PRORP: variants seen among roughly 807,000 people sequenced by gnomAD.
PRORP encodes the protein protein only RNase P catalytic subunit, also known as mitochondrial ribonuclease P catalytic subunit.
PRORP carries 51 observed loss-of-function variants against 59.4 expected under a neutral mutation model. The ratio of observed to expected loss-of-function variants is 0.86; its 90% CI spans 0.69 to 1.08. The LOEUF is 1.08. Ranked by LOEUF, PRORP falls within the 50% of genes least tolerant of loss-of-function variation. The pLI is 0.00. For missense variants in PRORP, 646 were observed against 690.3 expected (o/e 0.94, Z 0.72); for synonymous variants, 231 against 245.6 (o/e 0.94, Z 0.55).
At chr14:35,179,297 G>A (rs975607489) in intron 4 of PRORP, among the ~76,000 whole-genome samples, 1 of 152,276 alleles carries the variant, frequency 6.6e-6, no homozygotes, top group East Asian at 1.9e-4. Context: ...TGCCTGCTAG[G>A]TTGGGGAAGT....
At chr14:35,205,132 T>C (rs553245825) in intron 5 of PRORP, among the ~76,000 whole-genome samples, 1 of 152,292 alleles carries the variant, frequency 6.6e-6, no homozygotes, top group Admixed American at 6.5e-5. Context: ...CTTTATGGGC[T>C]TTGTCAACAT....
intron 5 of PRORP, among the ~76,000 whole-genome samples, chr14:35,210,435 A>G (rs1049743410): frequency 2.6e-5 from 4 of 152,136 alleles, no homozygotes; most frequent in African/African-American, 9.7e-5. Flanking sequence ...GACTTCAGAT[A>G]CATCTTGGTT....
At chr14:35,228,152 A>G (rs1429932420) in intron 5 of PRORP, among the ~76,000 whole-genome samples, 1 of 152,210 alleles carries the variant, frequency 6.6e-6, no homozygotes, top group Non-Finnish European at 1.5e-5. Flanking sequence ...CAAAATAAAT[A>G]AATAAATGAA....
At chr14:35,199,883 T>G (rs1477509758) in intron 5 of PRORP, among the ~76,000 whole-genome samples, 2 of 152,190 alleles carry the variant, frequency 1.3e-5, no homozygotes, top group Non-Finnish European at 2.9e-5. Context: ...AATGGAAACT[T>G]TCCAATTATA....
chr14:35,187,428 G>GT (rs34808330), intron 5 of PRORP, among the ~76,000 whole-genome samples: 74,765 of 138,858 alleles, frequency 0.54, 20,609 homozygotes, highest in Admixed American at 0.67. Context: ...TAGTTTCTTT[G>GT]TTTTTTTTTT....
intron 4 of PRORP, chr14:35,158,696 A>C (rs1417527449): frequency 5.1e-6 from 2 of 391,350 alleles, no homozygotes; most frequent in Non-Finnish European, 1.0e-5. Context: ...GTTGATGACG[A>C]GCTGCCAGCA....
At chr14:35,192,481 T>C (rs967121976) in intron 5 of PRORP, among the ~76,000 whole-genome samples, 8 of 152,218 alleles carry the variant, frequency 5.3e-5, no homozygotes, top group African/African-American at 1.7e-4. Context: ...CATAGTAGTT[T>C]TTTGTGAAAA....
At chr14:35,236,314 T>G (rs1257164538) in intron 5 of PRORP, among the ~76,000 whole-genome samples, 1 of 152,206 alleles carries the variant, frequency 6.6e-6, no homozygotes, top group Admixed American at 6.5e-5. Context: ...TGAGACATGC[T>G]TTTCTGATTC....
chr14:35,199,166 T>G (rs2049082039), intron 5 of PRORP, among the ~76,000 whole-genome samples: 1 of 148,700 alleles, frequency 6.7e-6, no homozygotes, highest in Admixed American at 6.7e-5. Context: ...GAAACTCCTT[T>G]GAAAAAAAAA....
At chr14:35,135,138 C>T (rs921758466) in intron 4 of PRORP, among the ~76,000 whole-genome samples, 1 of 152,216 alleles carries the variant, frequency 6.6e-6, no homozygotes, top group Non-Finnish European at 1.5e-5. Context: ...TCTTTCTCTG[C>T]ACCACATTGC....
At chr14:35,170,492 A>G (rs1369506744) in intron 4 of PRORP, among the ~76,000 whole-genome samples, 5 of 152,146 alleles carry the variant, frequency 3.3e-5, no homozygotes, top group Admixed American at 2.6e-4. Context: ...AACTTAATTC[A>G]GTTTACTTAC....
intron 5 of PRORP, among the ~76,000 whole-genome samples, chr14:35,216,880 G>C (rs547543034): frequency 6.6e-6 from 1 of 152,076 alleles, no homozygotes; most frequent in South Asian, 2.1e-4. Flanking sequence ...TTTTTGACTC[G>C]TGTTTCTCTG....
intron 7 of PRORP, among the ~76,000 whole-genome samples, chr14:35,272,530 A>G (rs1275257943): frequency 6.6e-6 from 1 of 152,212 alleles, no homozygotes; most frequent in Non-Finnish European, 1.5e-5. Context: ...GATTCAAGAT[A>G]TAGTTGAAGA....
chr14:35,148,911 A>ATTTT (rs1186320988), intron 4 of PRORP, among the ~76,000 whole-genome samples: 382 of 82,822 alleles, frequency 4.6e-3, no homozygotes, highest in East Asian at 7.0e-3. Context: ...GCACTTTTTA[A>ATTTT]TTTTTTTTTT....
intron 5 of PRORP, among the ~76,000 whole-genome samples, chr14:35,181,716 C>A (rs1187180990): frequency 1.4e-5 from 2 of 137,984 alleles, no homozygotes; most frequent in African/African-American, 5.4e-5. Flanking sequence ...ACCTGGGAGG[C>A]GGAGGTTGCA....
chr14:35,215,597 T>A (rs1008796154), intron 5 of PRORP, among the ~76,000 whole-genome samples: 2 of 151,874 alleles, frequency 1.3e-5, no homozygotes, highest in Admixed American at 1.3e-4. Flanking sequence ...AAAAAAAAAA[T>A]TAAAAATTAT....
At chr14:35,259,026 A>ATCT (rs1159640100) in intron 5 of PRORP, among the ~76,000 whole-genome samples, 92 of 152,326 alleles carry the variant, frequency 6.0e-4, no homozygotes, top group African/African-American at 2.2e-3. Context: ...CTGTCCAGTT[A>ATCT]TCTCAATTGT....
chr14:35,124,926 G>A (rs1273122171), intron 2 of PRORP, among the ~76,000 whole-genome samples: 1 of 148,184 alleles, frequency 6.7e-6, no homozygotes, highest in Admixed American at 6.8e-5. Context: ...AGAGTGCAAT[G>A]GCATGATCTC....
chr14:35,139,038 AC>A (rs2047429387), intron 4 of PRORP, among the ~76,000 whole-genome samples: 1 of 145,176 alleles, frequency 6.9e-6, no homozygotes, highest in Non-Finnish European at 1.5e-5. Flanking sequence ...TGATCCACCC[AC>A]CTCAGCCTCC....
Sources: gnomAD v4.1 joint callset for allele counts (sites outside exome capture counted in the v4.1 genomes callset) on GRCh38, gnomAD v4.1.1 for gene constraint, MANE v1.5 for transcripts, NCBI Gene and HGNC (gene_info 2026-07-23, HGNC 2026-07-21) for gene names.